SIK2: variants seen among roughly 807,000 people sequenced by gnomAD.
SIK2 encodes serine/threonine-protein kinase SIK2.
SIK2 carries 29 observed loss-of-function variants against 103.2 expected under a neutral mutation model. That is an observed-to-expected ratio of 0.28 (90% CI 0.21 to 0.38). The LOEUF is 0.38. SIK2 is among the 10% of genes least tolerant of loss of function. The pLI is 1.00. For synonymous variants in SIK2, 412 were observed against 446.1 expected (o/e 0.92, Z 0.96); for missense variants, 879 against 1,171.0 (o/e 0.75, Z 3.64).
chr11:111,640,121 T>C (rs113324958), intron 3 of SIK2, among the ~76,000 whole-genome samples: 2,186 of 152,304 alleles, frequency 0.014, 52 homozygotes, highest in African/African-American at 0.05. Flanking sequence ...CCATTGGGCA[T>C]GAAACACTTT....
intron 9 of SIK2, 149 bp downstream of exon 9, chr11:111,712,524 G>A: frequency 1.3e-6 from 1 of 791,180 alleles, no homozygotes; most frequent in Non-Finnish European, 2.0e-6. Context: ...CCTTAGAACA[G>A]TGTCCAGGCT....
chr11:111,647,661 C>T (rs1474405359), intron 3 of SIK2, among the ~76,000 whole-genome samples: 15 of 151,108 alleles, frequency 9.9e-5, no homozygotes, highest in African/African-American at 3.2e-4. Context: ...GTCAGGAGAT[C>T]GAGACCATCC....
At chr11:111,609,473 C>CT (rs1196125212) in intron 1 of SIK2, among the ~76,000 whole-genome samples, 7 of 152,094 alleles carry the variant, frequency 4.6e-5, no homozygotes, top group African/African-American at 2.4e-5. Context: ...AGGTGCACAC[C>CT]ACCATGCCTG....
At chr11:111,699,367 A>G (rs1943157276) in intron 4 of SIK2, among the ~76,000 whole-genome samples, 1 of 152,178 alleles carries the variant, frequency 6.6e-6, no homozygotes, top group South Asian at 2.1e-4. Flanking sequence ...CTGAAAGGCA[A>G]CAGTTGGTGG....
At chr11:111,710,801 G>C (rs1943473422) in intron 8 of SIK2, among the ~76,000 whole-genome samples, 1 of 152,196 alleles carries the variant, frequency 6.6e-6, no homozygotes, top group African/African-American at 2.4e-5. Context: ...ATGGAGCCAG[G>C]AATCAAACTC....
rs372702179 is a variant in SIK2, at chr11:111,687,181, G to A, written c.317-820G>A. The stretch of plus-strand genomic sequence containing the variant: ...TGCTGCTTGCTGCTGACTGGTCTTG[G>A]GCTGTCACCATTTATTTGGACTCCA... On this transcript the variant is annotated intron_variant, in intron 3 of 14. Transcript: ENST00000304987. 1.1e-3 allele frequency among the ~76,000 whole-genome samples: 169 copies of A among 151,962 alleles called. No individual in the cohort carries two copies. The South Asian group carries it at 0.019, about 17-fold the overall frequency.
intron 9 of SIK2, among the ~76,000 whole-genome samples, chr11:111,719,509 G>A (rs2135968171): frequency 6.6e-6 from 1 of 151,950 alleles, no homozygotes; most frequent in Non-Finnish European, 1.5e-5. Flanking sequence ...CACTAAAAAA[G>A]TTGTTTATTG....
Position 111,703,265 on chromosome 11 carries a change from C to G in SIK2, c.790C>G (p.Gln264Glu), listed in dbSNP as rs2135928445. The G allele has an allele frequency of 1.9e-6, 3 of 1,614,128 alleles. No homozygotes were observed. The East Asian group carries it at 6.7e-5, about 36-fold the overall frequency. Residue 264 changes from glutamine to glutamate, a missense_variant, in exon 7 of 15, where the codon CAA becomes GAA. Gln to Glu is a conservative substitution (Grantham distance 29). Coordinates refer to ENST00000304987, the MANE Select transcript of SIK2 (RefSeq NM_015191.3). ...CCCATCCAAACGGCTAACCATAGCCCAAATCAAGGAGCATAAATGGATGCT... is the reference window on the plus strand; with the variant it reads ...CCCATCCAAACGGCTAACCATAGCCGAAATCAAGGAGCATAAATGGATGCT... Reference protein sequence around the residue: ...LDPSKRLTIAQIKEHKWMLIE... With the variant: ...LDPSKRLTIAEIKEHKWMLIE...
chr11:111,690,784 G>A (rs1382686472), intron 4 of SIK2, among the ~76,000 whole-genome samples: 1 of 152,174 alleles, frequency 6.6e-6, no homozygotes, highest in Admixed American at 6.5e-5. Flanking sequence ...CAAAGGACAT[G>A]AACTCATTCT....
chr11:111,673,322 C>G (rs1382999559), intron 3 of SIK2, among the ~76,000 whole-genome samples: 2 of 152,166 alleles, frequency 1.3e-5, no homozygotes, highest in Non-Finnish European at 2.9e-5. Flanking sequence ...GTTTGATATC[C>G]ATTCTGTCAT....
At chr11:111,606,609 C>T (rs539553) in intron 1 of SIK2, among the ~76,000 whole-genome samples, 90,212 of 151,730 alleles carry the variant, frequency 0.59, 29,944 homozygotes, top group East Asian at 0.96. Context: ...GAATATTATG[C>T]AATTTTCAGT....
chr11:111,644,441 A>G (rs1376641614), intron 3 of SIK2, among the ~76,000 whole-genome samples: 1 of 152,166 alleles, frequency 6.6e-6, no homozygotes, highest in Non-Finnish European at 1.5e-5. Flanking sequence ...TTGTGGCCGT[A>G]AAATACAGCC....
At chr11:111,719,223 A>G (rs1943730738) in intron 9 of SIK2, among the ~76,000 whole-genome samples, 1 of 152,110 alleles carries the variant, frequency 6.6e-6, no homozygotes, top group Non-Finnish European at 1.5e-5. Flanking sequence ...CTTACTTTCC[A>G]TTCCCCAGGC....
At chr11:111,692,370 A>C (rs934058341) in intron 4 of SIK2, among the ~76,000 whole-genome samples, 2 of 132,642 alleles carry the variant, frequency 1.5e-5, no homozygotes, top group South Asian at 2.3e-4. Context: ...AAAAAAAAAA[A>C]AAAAAAAAAA....
intron 3 of SIK2, among the ~76,000 whole-genome samples, chr11:111,662,468 G>T (rs1379002431): frequency 6.6e-6 from 1 of 152,176 alleles, no homozygotes; most frequent in Admixed American, 6.5e-5. Flanking sequence ...GGGTAAAGGG[G>T]CCAGGTGCGG....
chr11:111,690,321 A>G (rs1942915701), intron 4 of SIK2, among the ~76,000 whole-genome samples: 1 of 150,344 alleles, frequency 6.7e-6, no homozygotes, highest in Non-Finnish European at 1.5e-5. Flanking sequence ...GAAGGGGGAA[A>G]ACTCCTGCTA....
chr11:111,669,511 G>A (rs900895862), intron 3 of SIK2, among the ~76,000 whole-genome samples: 3 of 151,970 alleles, frequency 2.0e-5, no homozygotes, highest in African/African-American at 4.8e-5. Context: ...CAGGAGAATC[G>A]CTTGAGCCCA....
intron 3 of SIK2, among the ~76,000 whole-genome samples, chr11:111,634,546 T>G (rs1481810355): frequency 6.6e-6 from 1 of 152,156 alleles, no homozygotes. Context: ...TGGCTTTAAT[T>G]CAGATTGCCA....
At chr11:111,649,544 C>T (rs1481312703) in intron 3 of SIK2, among the ~76,000 whole-genome samples, 1 of 151,904 alleles carries the variant, frequency 6.6e-6, no homozygotes, top group Non-Finnish European at 1.5e-5. Flanking sequence ...AATTATCCAG[C>T]TCTATTATGT....
Sources: gnomAD v4.1 joint callset for allele counts (sites outside exome capture counted in the v4.1 genomes callset) on GRCh38, gnomAD v4.1.1 for gene constraint, MANE v1.5 for transcripts, NCBI Gene and HGNC (gene_info 2026-07-23, HGNC 2026-07-21) for gene names.